OR3A2: variants seen among roughly 807,000 people sequenced by gnomAD.
OR3A2 encodes the protein olfactory receptor 3A2.
For synonymous variants in OR3A2, 126 were observed against 159.3 expected (o/e 0.79, Z 1.57); for missense variants, 318 against 392.8 (o/e 0.81, Z 1.61).
chr17:3,311,646 C>A lies in OR3A2; in HGVS notation c.-85+24387G>T. 3.1e-6 allele frequency: 1 copy of A among 324,314 alleles called. No homozygotes were observed. Among genetic ancestry groups the A allele is most frequent in the South Asian group, 3.2e-5 (1 of 31,432 alleles). The allele number at this position is 324,314 out of a possible 1,614,324, so 20.1% of individuals were successfully genotyped here. A position where few individuals can be genotyped will look rare whatever the true frequency, so the allele number is the denominator to read the frequency against. ...TCCCCATGATCTTTATCTCAGTGTC[C>A]TATGCCCACGTCACAGCTGCAATAT... On this transcript the variant is annotated intron_variant, in intron 3 of 4. Transcript: ENST00000573491. This position sits in a 1 kb window ranked among gnomAD's most constrained non-coding sequence, Gnocchi z 4.6.
At chr17:3,370,662 T>C (rs1341537739) in intron 2 of OR3A2, among the ~76,000 whole-genome samples, 2 of 150,600 alleles carry the variant, frequency 1.3e-5, no homozygotes, top group African/African-American at 4.9e-5. Flanking sequence ...CATTCTTGGG[T>C]GTTTCTCGCA....
At chr17:3,338,388 G>T (rs987173049) in intron 2 of OR3A2, among the ~76,000 whole-genome samples, 7 of 151,954 alleles carry the variant, frequency 4.6e-5, no homozygotes, top group Admixed American at 2.0e-4. Flanking sequence ...TTTCTTCTAG[G>T]GTTTTTATGG....
intron 2 of OR3A2, among the ~76,000 whole-genome samples, chr17:3,380,180 G>A (rs1410555280): frequency 1.3e-5 from 2 of 152,204 alleles, no homozygotes; most frequent in Admixed American, 6.5e-5. Context: ...GCTGTGGAGG[G>A]CAGAGCTCGT....
At chr17:3,332,931 A>C (rs570515720) in intron 3 of OR3A2, among the ~76,000 whole-genome samples, 4 of 152,326 alleles carry the variant, frequency 2.6e-5, no homozygotes, top group Non-Finnish European at 5.9e-5. Context: ...AACAATATGA[A>C]ATGAGTGCAC....
At chr17:3,348,865 G>A (rs1293212216) in intron 2 of OR3A2, among the ~76,000 whole-genome samples, 2 of 152,208 alleles carry the variant, frequency 1.3e-5, no homozygotes, top group South Asian at 4.1e-4. Context: ...GAAGAGAGTG[G>A]GGGCCAATAT....
intron 3 of OR3A2, among the ~76,000 whole-genome samples, chr17:3,301,602 A>T (rs2048966604): frequency 6.6e-6 from 1 of 152,204 alleles, no homozygotes; most frequent in South Asian, 2.1e-4. Flanking sequence ...GCCCTTTGTC[A>T]GATGAGTAGA....
chr17:3,289,111 G>T (rs1296575969), upstream of OR3A2, among the ~76,000 whole-genome samples: 1 of 150,218 alleles, frequency 6.7e-6, no homozygotes, highest in East Asian at 2.0e-4. Flanking sequence ...GTGTGTGAGT[G>T]TGTGTTTGTG....
exon 2 of OR3A2, chr17:3,278,084 T>G: frequency 6.2e-7 from 1 of 1,614,226 alleles, no homozygotes; most frequent in Non-Finnish European, 8.5e-7. Context: ...TGTTGAAAAC[T>G]CCAACCCCTT....
intron 3 of OR3A2, chr17:3,310,208 G>A (rs2049029489): frequency 2.3e-5 from 10 of 436,772 alleles, no homozygotes; most frequent in South Asian, 1.4e-4. Context: ...CCTGGACATT[G>A]CTATCAAGAT....
chr17:3,287,340 A>T (rs1278426675), upstream of OR3A2, among the ~76,000 whole-genome samples: 1 of 150,880 alleles, frequency 6.6e-6, no homozygotes, highest in Non-Finnish European at 1.5e-5. Flanking sequence ...CCCATTAAGT[A>T]ATTTATTCTC....
chr17:3,319,262 G>T (rs1009068416), intron 3 of OR3A2, among the ~76,000 whole-genome samples: 5 of 152,160 alleles, frequency 3.3e-5, no homozygotes, highest in African/African-American at 4.8e-5. Context: ...GGGATTAGCA[G>T]ATTTATTTGT....
Position 3,338,288 on chromosome 17 carries a change from T to G in OR3A2, c.-178-2162A>C, listed in dbSNP as rs1468646089. Among the ~76,000 whole-genome samples, 5 of 152,306 alleles carry G rather than the reference T, an allele frequency of 3.3e-5. No homozygotes were observed. In the East Asian group the frequency reaches 9.6e-4, roughly 29 times the overall value. ...CTCTTCAGTTTAATTAGATCCCATT[T>G]GTCTATTTTGGCTTTTGTTGCCATT... On this transcript the variant is annotated intron_variant, in intron 2 of 4. Transcript: ENST00000573491.
chr17:3,357,732 A>T (rs2049475366), intron 2 of OR3A2, among the ~76,000 whole-genome samples: 1 of 151,424 alleles, frequency 6.6e-6, no homozygotes, highest in South Asian at 2.1e-4. Context: ...AATTTTTTTT[A>T]TAGAGAGACA....
At chr17:3,285,995 C>T (rs1453296188), upstream of OR3A2, among the ~76,000 whole-genome samples, 12 of 152,098 alleles carry the variant, frequency 7.9e-5, no homozygotes, top group African/African-American at 2.9e-4. Context: ...ATACGTGTGC[C>T]ATGGTGGTTT....
intron 3 of OR3A2, among the ~76,000 whole-genome samples, chr17:3,325,478 G>T (rs1350887695): frequency 1.3e-5 from 2 of 151,912 alleles, no homozygotes; most frequent in African/African-American, 4.8e-5. Flanking sequence ...CCAAAGTGCT[G>T]GGATTACAGG....
At chr17:3,307,095 GA>G (rs1234514501) in intron 3 of OR3A2, among the ~76,000 whole-genome samples, 5 of 152,204 alleles carry the variant, frequency 3.3e-5, no homozygotes, top group African/African-American at 1.2e-4. Flanking sequence ...GTCTGGGAGG[GA>G]GATAAAAACT....
At chr17:3,325,103 T>A (rs144573770) in intron 3 of OR3A2, among the ~76,000 whole-genome samples, 2 of 151,840 alleles carry the variant, frequency 1.3e-5, no homozygotes, top group African/African-American at 4.9e-5. Context: ...TTATATCTTA[T>A]GTTTTATACT....
chr17:3,352,065 ATCTAT>A (rs2049424331), intron 2 of OR3A2, among the ~76,000 whole-genome samples: 1 of 152,008 alleles, frequency 6.6e-6, no homozygotes, highest in Non-Finnish European at 1.5e-5. Flanking sequence ...TGTGAGAAAT[ATCTAT>A]TCTAATCTTT....
chr17:3,305,436 C>T (rs1238541224), intron 3 of OR3A2, among the ~76,000 whole-genome samples: 1 of 152,090 alleles, frequency 6.6e-6, no homozygotes, highest in East Asian at 1.9e-4. Context: ...GTAATTTTTA[C>T]TTTTGTCATG....
Sources: allele counts gnomAD v4.1 joint callset (sites outside exome capture counted in the v4.1 genomes callset), GRCh38; gene constraint gnomAD v4.1.1; non-coding constraint Gnocchi (gnomAD v3.1); transcripts MANE v1.5; gene names NCBI Gene and HGNC (gene_info 2026-07-23, HGNC 2026-07-21).